MTR: variants seen among roughly 807,000 people sequenced by gnomAD.
MTR encodes methionine synthase.
In MTR, 84 loss-of-function variants were observed where a neutral mutation model predicts 154.8. The observed-to-expected ratio is 0.54, with a 90% CI of 0.45 to 0.65. The LOEUF (loss-of-function observed/expected upper bound fraction) is 0.65. MTR is among the 30% of genes least tolerant of loss of function. The probability of loss-of-function intolerance (pLI) is 0.00; values close to 1 mark genes in which losing one functional copy is unlikely to be tolerated. For missense variants in MTR, 1,275 were observed against 1,570.2 expected, an observed-to-expected ratio of 0.81 and a Z score of 3.18; for synonymous variants, 554 against 553.9, an observed-to-expected ratio of 1.00 and a Z score of 0.00.
rs529789378 is a variant in MTR, at chr1:236,892,281, C to T, written c.3204+952C>T. Among the ~76,000 whole-genome samples, 650 of 152,014 alleles carry T rather than the reference C, an allele frequency of 4.3e-3. 2 individuals carry two copies. Among genetic ancestry groups the T allele is most frequent in the Non-Finnish European group, 6.5e-3 (439 of 67,978 alleles). On this transcript the variant is annotated intron_variant, in intron 29 of 32. Coordinates refer to ENST00000366577, the MANE Select transcript of MTR (RefSeq NM_000254.3). ...GAGCCTAGGAGTTTGAGACTAGCCCCGGCAAGATGGCAAGACCCTGTCTCT... is the reference window on the plus strand; with the variant it reads ...GAGCCTAGGAGTTTGAGACTAGCCCTGGCAAGATGGCAAGACCCTGTCTCT...
intron 29 of MTR, among the ~76,000 whole-genome samples, chr1:236,892,872 G>A (rs1022521247): frequency 1.3e-4 from 20 of 152,090 alleles, no homozygotes; most frequent in Non-Finnish European, 1.8e-4. Flanking sequence ...ATTCATGTCC[G>A]GGCAGTCTGT....
intron 1 of MTR, among the ~76,000 whole-genome samples, chr1:236,797,967 ACAAAAC>A (rs1329770531): frequency 2.7e-5 from 4 of 147,608 alleles, no homozygotes; most frequent in South Asian, 2.2e-4. Context: ...CCAAAAAAAA[ACAAAAC>A]AAAACAAAAC....
Position 236,863,470 on chromosome 1 carries a change from C to G in MTR, c.2321C>G (p.Thr774Ser). The change falls in exon 22 of 33, where the codon ACC becomes AGC. Residue 774 changes from threonine to serine, a missense_variant. Physicochemically the swap from Thr to Ser is moderately conservative, Grantham distance 58. Transcript: ENST00000366577. ...CCTTTCCAGGACCCTTACCAGGGCA[C>G]CATCGTGCTGGCCACTGTTAAAGGC... Reference protein sequence around the residue: ...TVEEEDPYQGTIVLATVKGDV... With the variant: ...TVEEEDPYQGSIVLATVKGDV... The G allele has an allele frequency of 6.2e-7, 1 of 1,613,956 alleles. No homozygotes were observed. The highest frequency in any genetic ancestry group is 8.5e-7 in the Non-Finnish European group (1 of 1,179,948).
Position 236,861,119 on chromosome 1 carries a change from T to A in MTR, c.2044-6T>A. 1.3e-6 allele frequency: 2 copies of A among 1,577,502 alleles called. No individual in the cohort carries two copies. The highest frequency in any genetic ancestry group is 2.2e-5 in the East Asian group (1 of 44,478). The stretch of plus-strand genomic sequence containing the variant: ...TTTCTTTTTTTTTTTTTTTTGTCTT[T>A]TTTAGGGCATTGAAAAACATATTAT... On this transcript the variant is annotated splice_polypyrimidine_tract_variant and splice_region_variant and intron_variant, in intron 19 of 32. Coordinates refer to ENST00000366577, the MANE Select transcript of MTR (RefSeq NM_000254.3).
intron 29 of MTR, among the ~76,000 whole-genome samples, chr1:236,892,014 C>T (rs1382335150): frequency 2.0e-5 from 3 of 152,000 alleles, no homozygotes; most frequent in Non-Finnish European, 4.4e-5. Flanking sequence ...TGTCTCTCAT[C>T]CCCCCCACCT....
chr1:236,840,140 T>A (rs536068310), intron 15 of MTR, among the ~76,000 whole-genome samples: 1 of 152,328 alleles, frequency 6.6e-6, no homozygotes, highest in South Asian at 2.1e-4. Flanking sequence ...TTTAAATGCA[T>A]TTTTTGTATG....
At chr1:236,832,464 A>T (rs943678233) in intron 13 of MTR, among the ~76,000 whole-genome samples, 3 of 152,256 alleles carry the variant, frequency 2.0e-5, no homozygotes, top group Non-Finnish European at 4.4e-5. Context: ...TGATCGCATC[A>T]AACGCTGACT....
chr1:236,881,711 C>T (rs886517128), intron 25 of MTR, among the ~76,000 whole-genome samples: 4 of 152,006 alleles, frequency 2.6e-5, no homozygotes, highest in Non-Finnish European at 5.9e-5. Context: ...CCTGAGCTAC[C>T]TTCCAAGGAA....
At chr1:236,869,155 A>G (rs1312485852) in intron 22 of MTR, among the ~76,000 whole-genome samples, 1 of 152,242 alleles carries the variant, frequency 6.6e-6, no homozygotes, top group Non-Finnish European at 1.5e-5. Context: ...GGTACCTTAA[A>G]AGGATGCAGA....
At chr1:236,821,688 G>A (rs984560349) in intron 8 of MTR, among the ~76,000 whole-genome samples, 5 of 151,926 alleles carry the variant, frequency 3.3e-5, no homozygotes, top group East Asian at 1.9e-4. Flanking sequence ...AATTTTAATC[G>A]TTTTGCAATT....
chr1:236,891,710 T>C (rs1407286448), intron 29 of MTR, among the ~76,000 whole-genome samples: 3 of 152,178 alleles, frequency 2.0e-5, no homozygotes, highest in African/African-American at 4.8e-5. Context: ...TAAAATAGAC[T>C]GTCAGGTGGC....
At chr1:236,889,445 G>A (rs1327815423) in intron 28 of MTR, 109 bp downstream of exon 28, 35 of 1,480,290 alleles carry the variant, frequency 2.4e-5, no homozygotes, top group Admixed American at 1.7e-5. Context: ...TGCAGATTAC[G>A]GCTGCTTTCA....
chr1:236,837,619 C>T (rs1034899693), intron 14 of MTR, among the ~76,000 whole-genome samples: 1 of 152,182 alleles, frequency 6.6e-6, no homozygotes, highest in Non-Finnish European at 1.5e-5. Flanking sequence ...GTGGCCTATG[C>T]TGGGAGCTGT....
chr1:236,802,976 C>T (rs544227232), intron 1 of MTR, among the ~76,000 whole-genome samples: 6 of 152,208 alleles, frequency 3.9e-5, no homozygotes, highest in Admixed American at 3.9e-4. Context: ...GTTTGCAGGC[C>T]ATTATTAGTT....
intron 12 of MTR, among the ~76,000 whole-genome samples, chr1:236,831,181 C>T (rs1434465733): frequency 6.6e-6 from 1 of 152,206 alleles, no homozygotes; most frequent in Non-Finnish European, 1.5e-5. Flanking sequence ...ATGAGACTGC[C>T]TCTCCTAATA....
intron 11 of MTR, among the ~76,000 whole-genome samples, chr1:236,827,829 T>A (rs1216636453): frequency 6.6e-6 from 1 of 152,196 alleles, no homozygotes; most frequent in African/African-American, 2.4e-5. Context: ...TTATATTTGT[T>A]TTTTCCCTGG....
At chr1:236,800,601 G>C in intron 1 of MTR, 2 of 575,518 alleles carry the variant, frequency 3.5e-6, no homozygotes, top group Non-Finnish European at 4.4e-6. Flanking sequence ...CTGCAAATAT[G>C]CCATTCCTGC....
intron 8 of MTR, among the ~76,000 whole-genome samples, chr1:236,822,730 T>G (rs1449861203): frequency 3.9e-5 from 6 of 152,266 alleles, no homozygotes; most frequent in South Asian, 2.1e-4. Context: ...CAAGGAGTTT[T>G]TAGTGATTCT....
chr1:236,834,123 A>G (rs1572233250), intron 13 of MTR, among the ~76,000 whole-genome samples: 1 of 152,156 alleles, frequency 6.6e-6, no homozygotes, highest in Non-Finnish European at 1.5e-5. Context: ...TTTATTCTTT[A>G]TATTATTTAA....
Sources: allele counts gnomAD v4.1 joint callset (sites outside exome capture counted in the v4.1 genomes callset), GRCh38; gene constraint gnomAD v4.1.1; transcripts MANE v1.5; gene names NCBI Gene and HGNC (gene_info 2026-07-23, HGNC 2026-07-21).